The following LMLN variants were observed in gnomAD, a reference collection of about 807,000 sequenced individuals.
The protein encoded by LMLN is leishmanolysin-like peptidase.
In LMLN, 70 loss-of-function variants were observed where a neutral mutation model predicts 92.3. That is an observed-to-expected ratio of 0.76 (90% CI 0.63 to 0.92). The LOEUF (loss-of-function observed/expected upper bound fraction) is 0.92. Among genes scored for constraint, LMLN ranks in the 40% least tolerant of loss-of-function variants. LMLN has a pLI of 0.00. For missense variants in LMLN, 691 were observed against 814.6 expected, an observed-to-expected ratio of 0.85 and a Z score of 1.85; for synonymous variants, 308 against 296.2, an observed-to-expected ratio of 1.04 and a Z score of -0.41.
chr3:198,036,163 A>G, intron 15 of LMLN, 120 bp downstream of exon 16: 1 of 845,984 alleles, frequency 1.2e-6, no homozygotes, highest in South Asian at 1.7e-5. Flanking sequence ...TTCTCTGCTG[A>G]TTGCATTTTT....
chr3:197,960,259 G>T (rs1720810972), exon 1 of LMLN: 1 of 1,612,226 alleles, frequency 6.2e-7, no homozygotes, highest in Non-Finnish European at 8.5e-7. Flanking sequence ...GCGGCCGAAT[G>T]GGGCGGAGGA....
At chr3:197,985,950 T>C in intron 8 of LMLN, 60 bp downstream of exon 8, 1 of 1,022,488 alleles carries the variant, frequency 9.8e-7, no homozygotes, top group Non-Finnish European at 1.5e-6. Context: ...GACTAGAATC[T>C]GAGAATCACA....
intron 7 of LMLN, among the ~76,000 whole-genome samples, chr3:197,985,449 A>G (rs1721679017): frequency 1.3e-5 from 2 of 152,080 alleles, no homozygotes; most frequent in South Asian, 4.2e-4. Context: ...AATTAAAAAC[A>G]CAACAGCTGG....
At chr3:197,995,779 A>T (rs1243058282) in intron 9 of LMLN, among the ~76,000 whole-genome samples, 3 of 152,192 alleles carry the variant, frequency 2.0e-5, no homozygotes, top group African/African-American at 7.2e-5. Context: ...TATTAGCTCG[A>T]TATAATTATT....
chr3:197,979,997 T>A (rs1298047402), intron 5 of LMLN, among the ~76,000 whole-genome samples: 1 of 152,188 alleles, frequency 6.6e-6, no homozygotes, highest in African/African-American at 2.4e-5. Context: ...TTTAGGGAAA[T>A]CCCTTCATCT....
chr3:198,029,396 G>T (rs904517528), intron 14 of LMLN, among the ~76,000 whole-genome samples: 12 of 152,126 alleles, frequency 7.9e-5, no homozygotes, highest in African/African-American at 2.9e-4. Context: ...ACAGCCTCAG[G>T]CCAGGCGCTG....
chr3:198,035,714 A>G, intron 14 of LMLN, 119 bp from the exon 16 acceptor site: 1 of 827,978 alleles, frequency 1.2e-6, no homozygotes, highest in South Asian at 2.0e-5. Context: ...ATTGTGCTTT[A>G]TAGCCAATGT....
chr3:197,985,390 T>TAC (rs142039210), intron 7 of LMLN, among the ~76,000 whole-genome samples: 63,702 of 142,242 alleles, frequency 0.45, 13,769 homozygotes, highest in Middle Eastern at 0.53. Flanking sequence ...TTTCATAATG[T>TAC]ACACACACAC....
At position 197,998,267 on chromosome 3, in the gene LMLN, C is replaced by T. The variant is rs73091359; in HGVS notation, c.1156-999C>T. 9.8e-3 allele frequency among the ~76,000 whole-genome samples: 1,500 copies of T among 152,320 alleles called. 23 individuals are homozygous for T. The highest frequency in any genetic ancestry group is 0.034 in the African/African-American group (1,424 of 41,568). On this transcript the variant is annotated intron_variant, in intron 10 of 15. Transcript: ENST00000330198. ...AGAGATCTGCTTAAATAGATAGTTG[C>T]AGCTCATATACATCATGCCTAAAGT...
chr3:197,974,325 G>A (rs898552641), intron 1 of LMLN, 52 bp from the exon 2 acceptor site: 19 of 909,718 alleles, frequency 2.1e-5, no homozygotes, highest in Non-Finnish European at 3.1e-5. Context: ...TTGGATTGCA[G>A]TGGGTTAATC....
At chr3:197,964,292 A>G (rs893576449) in intron 1 of LMLN, among the ~76,000 whole-genome samples, 8 of 152,172 alleles carry the variant, frequency 5.3e-5, no homozygotes, top group African/African-American at 1.9e-4. Context: ...TTCTAATGTA[A>G]ACATTCAAAG....
At chr3:198,041,485 A>G (rs1444662301) in exon 16 of LMLN, 1 of 152,208 alleles carries the variant, frequency 6.6e-6, no homozygotes, top group Non-Finnish European at 1.5e-5. Flanking sequence ...CATGAATTTC[A>G]TGTTTAGACT....
chr3:197,990,822 C>T (rs1477457768), intron 9 of LMLN, 146 bp downstream of exon 9: 5 of 519,516 alleles, frequency 9.6e-6, no homozygotes, highest in East Asian at 5.8e-5. Context: ...AATGAAGCTA[C>T]GGGCCACGAG....
At chr3:197,979,610 G>A (rs140107368) in intron 5 of LMLN, among the ~76,000 whole-genome samples, 1,823 of 152,266 alleles carry the variant, frequency 0.012, 15 homozygotes, top group Non-Finnish European at 0.017. Context: ...AAGTTCAGGA[G>A]TTCGAGACCA....
At chr3:198,009,823 G>T (rs1722386140) in intron 11 of LMLN, among the ~76,000 whole-genome samples, 1 of 152,054 alleles carries the variant, frequency 6.6e-6, no homozygotes, top group African/African-American at 2.4e-5. Context: ...GTTTTAATTT[G>T]TAATTTTTGT....
intron 12 of LMLN, among the ~76,000 whole-genome samples, chr3:198,020,557 G>A (rs1315391544): frequency 6.6e-6 from 1 of 151,974 alleles, no homozygotes; most frequent in East Asian, 1.9e-4. Context: ...TTTATCTGGT[G>A]CATCCAGGGG....
intron 10 of LMLN, among the ~76,000 whole-genome samples, chr3:197,997,451 T>G (rs749407036): frequency 2.0e-5 from 3 of 152,174 alleles, no homozygotes; most frequent in Non-Finnish European, 2.9e-5. Context: ...TTTCTTTACC[T>G]TCAACATCAG....
chr3:198,034,381 G>A (rs535774722), intron 14 of LMLN, among the ~76,000 whole-genome samples: 3 of 152,206 alleles, frequency 2.0e-5, no homozygotes, highest in African/African-American at 7.2e-5. Flanking sequence ...AGGCCGAGGC[G>A]GGCAGATCAC....
chr3:197,988,435 G>A (rs1374629280), intron 8 of LMLN, among the ~76,000 whole-genome samples: 1 of 149,234 alleles, frequency 6.7e-6, no homozygotes, highest in Admixed American at 6.7e-5. Context: ...CTTTTGTAAG[G>A]TGCATATATG....
Sources: gnomAD v4.1 joint callset for allele counts (sites outside exome capture counted in the v4.1 genomes callset) on GRCh38, gnomAD v4.1.1 for gene constraint, MANE v1.5 for transcripts, NCBI Gene and HGNC (gene_info 2026-07-23, HGNC 2026-07-21) for gene names.